Variants in SIPA1L2 observed in about 807,000 individuals in gnomAD.
SIPA1L2 encodes the protein signal induced proliferation associated 1 like 2.
A neutral mutation model predicts 163.9 loss-of-function variants in SIPA1L2; 56 were observed. That is an observed-to-expected ratio of 0.34 (90% CI 0.28 to 0.43). The LOEUF is 0.43. Among genes scored for constraint, SIPA1L2 ranks in the 20% least tolerant of loss-of-function variants. SIPA1L2 has a pLI of 1.00. For missense variants in SIPA1L2, 1,974 were observed against 2,193.5 expected, an observed-to-expected ratio of 0.90 and a Z score of 2.00; for synonymous variants, 877 against 865.7, an observed-to-expected ratio of 1.01 and a Z score of -0.23.
At chr1:232,563,141 C>T (rs953009273) in intron 2 of SIPA1L2, among the ~76,000 whole-genome samples, 2 of 152,174 alleles carry the variant, frequency 1.3e-5, no homozygotes, top group African/African-American at 2.4e-5. Context: ...TCTTTATAAA[C>T]CTATTGTGTG....
At chr1:232,492,429 C>G (rs569063512) in intron 4 of SIPA1L2, among the ~76,000 whole-genome samples, 1 of 152,118 alleles carries the variant, frequency 6.6e-6, no homozygotes, top group South Asian at 2.1e-4. Flanking sequence ...GCCCTACAGC[C>G]TCAACTCCTG....
rs1016230315 is a variant in SIPA1L2 at position 232,518,097 on chromosome 1, T to A, written c.-269-2489A>T. Among the ~76,000 whole-genome samples, 57 of 152,094 alleles carry A rather than the reference T, an allele frequency of 3.7e-4. 1 individual carries two copies. Among genetic ancestry groups the A allele is most frequent in the African/African-American group, 1.4e-3 (57 of 41,404 alleles). ...ATATACGAAATTAAAAATAGATGAA[T>A]TTATGCTGAATCTTATCATTAGGTT... On this transcript the variant is annotated intron_variant, in intron 2 of 22. Coordinates refer to ENST00000674635, the MANE Select transcript of SIPA1L2 (RefSeq NM_020808.5).
At chr1:232,445,914 G>T in intron 10 of SIPA1L2, 128 bp from the exon 11 acceptor site, 1 of 939,434 alleles carries the variant, frequency 1.1e-6, no homozygotes, top group Non-Finnish European at 1.6e-6. Flanking sequence ...AGTCAATGAT[G>T]CAGAGCGATC....
chr1:232,407,282 TC>T lies in SIPA1L2; in HGVS notation c.4763-3105del, dbSNP rs76261971. On this transcript the variant is annotated intron_variant, in intron 19 of 22. Transcript: ENST00000674635. ...AGTCATTTTTCTTTCCATTTTTTTTTCCACTAATTATGTTACCACTAGGAGT... is the reference window on the plus strand; with the variant it reads ...AGTCATTTTTCTTTCCATTTTTTTTTCACTAATTATGTTACCACTAGGAGT... Among the ~76,000 whole-genome samples, 5,237 of 152,300 alleles carry T rather than the reference TC, an allele frequency of 0.034. 733 individuals are homozygous for T. The East Asian group carries it at 0.48, about 14-fold the overall frequency.
intron 2 of SIPA1L2, among the ~76,000 whole-genome samples, chr1:232,516,472 CTTA>C (rs1179392866): frequency 6.6e-6 from 1 of 152,146 alleles, no homozygotes; most frequent in Non-Finnish European, 1.5e-5. Flanking sequence ...AGTCATTTAT[CTTA>C]TCTTTCTGAA....
chr1:232,531,715 A>G (rs1656956053), intron 2 of SIPA1L2, among the ~76,000 whole-genome samples: 1 of 152,198 alleles, frequency 6.6e-6, no homozygotes, highest in African/African-American at 2.4e-5. Context: ...GGTAGGGTCT[A>G]CATAACTTGT....
At chr1:232,525,233 C>CT (rs11389753) in intron 2 of SIPA1L2, among the ~76,000 whole-genome samples, 79,370 of 102,830 alleles carry the variant, frequency 0.77, 32,496 homozygotes, top group Non-Finnish European at 0.81. Flanking sequence ...ATAATAATAG[C>CT]TTTTTTTTTT....
chr1:232,588,670 A>T (rs1017309008), intron 1 of SIPA1L2, among the ~76,000 whole-genome samples: 5 of 152,202 alleles, frequency 3.3e-5, no homozygotes, highest in Admixed American at 3.3e-4. Context: ...CCCTTTTCCA[A>T]CTACAAACCT....
chr1:232,452,452 T>C (rs892600067), intron 10 of SIPA1L2, among the ~76,000 whole-genome samples: 3 of 152,008 alleles, frequency 2.0e-5, no homozygotes, highest in African/African-American at 7.3e-5. Flanking sequence ...CCAAGTACTG[T>C]AGTGTATGCA....
At chr1:232,621,757 G>A (rs76174378) in intron 1 of SIPA1L2, among the ~76,000 whole-genome samples, 5,552 of 151,258 alleles carry the variant, frequency 0.037, 127 homozygotes, top group Non-Finnish European at 0.039. Flanking sequence ...TTTGTGACAG[G>A]GTCTCACTCT....
intron 3 of SIPA1L2, among the ~76,000 whole-genome samples, chr1:232,494,390 T>G (rs376032337): frequency 2.0e-5 from 3 of 152,176 alleles, no homozygotes; most frequent in African/African-American, 7.2e-5. Flanking sequence ...AACACACGGA[T>G]CCCTCCAGGA....
At chr1:232,510,231 A>AATATATAT (rs10678164) in intron 3 of SIPA1L2, among the ~76,000 whole-genome samples, 1 of 149,118 alleles carries the variant, frequency 6.7e-6, no homozygotes, top group Non-Finnish European at 1.5e-5. Context: ...TCAATATGAA[A>AATATATAT]ATATATATAT....
intron 1 of SIPA1L2, among the ~76,000 whole-genome samples, chr1:232,589,106 AC>A (rs1263243068): frequency 6.6e-6 from 1 of 152,250 alleles, no homozygotes; most frequent in Non-Finnish European, 1.5e-5. Flanking sequence ...TCAAGGAAAC[AC>A]AGGGGCACGT....
chr1:232,493,712 G>A, intron 3 of SIPA1L2, 52 bp from the exon 4 acceptor site: 1 of 1,605,504 alleles, frequency 6.2e-7, no homozygotes, highest in East Asian at 2.2e-5. Context: ...GGAACAAAGA[G>A]CAGGATGGAT....
chr1:232,477,158 AT>A lies in SIPA1L2; in HGVS notation c.2085+2468del, dbSNP rs547478499. On this transcript the variant is annotated intron_variant, in intron 7 of 22. Coordinates refer to ENST00000674635, the MANE Select transcript of SIPA1L2 (RefSeq NM_020808.5). Reference sequence around the variant, plus strand: ...ACAACCTGTGATTGCAAAATATTAAATGTCAAAAAATAATTTTCTGAAATAA... The same window carrying A: ...ACAACCTGTGATTGCAAAATATTAAAGTCAAAAAATAATTTTCTGAAATAA... Among the ~76,000 whole-genome samples the A allele has an allele frequency of 1.9e-3, 289 of 152,342 alleles. 1 individual carries two copies. Among genetic ancestry groups the A allele is most frequent in the Middle Eastern group, 6.8e-3 (2 of 294 alleles).
chr1:232,531,922 C>T (rs1656985961), intron 2 of SIPA1L2, among the ~76,000 whole-genome samples: 1 of 152,170 alleles, frequency 6.6e-6, no homozygotes, highest in African/African-American at 2.4e-5. Flanking sequence ...GAAAGCAAGC[C>T]TGGCACATGC....
chr1:232,622,035 T>C (rs1231304174), intron 1 of SIPA1L2, among the ~76,000 whole-genome samples: 1 of 152,190 alleles, frequency 6.6e-6, no homozygotes, highest in Non-Finnish European at 1.5e-5. Flanking sequence ...AATTAAAACA[T>C]TTTAAATGGG....
intron 10 of SIPA1L2, 56 bp downstream of exon 10, chr1:232,460,825 GACAGCC>G (rs1475078265): frequency 1.5e-5 from 23 of 1,566,262 alleles, no homozygotes; most frequent in Non-Finnish European, 2.0e-5. Flanking sequence ...GAGCACTGAG[GACAGCC>G]ACCTGCTACA....
intron 1 of SIPA1L2, among the ~76,000 whole-genome samples, chr1:232,593,550 T>C (rs1302075627): frequency 1.3e-5 from 2 of 152,170 alleles, no homozygotes; most frequent in Non-Finnish European, 2.9e-5. Context: ...GAATTTACCA[T>C]CTCCAGGGTG....
Sources: allele counts gnomAD v4.1 joint callset (sites outside exome capture counted in the v4.1 genomes callset), GRCh38; gene constraint gnomAD v4.1.1; transcripts MANE v1.5; gene names NCBI Gene and HGNC (gene_info 2026-07-23, HGNC 2026-07-21).